EYA4: variants seen among roughly 807,000 people sequenced by gnomAD.
EYA4 encodes protein phosphatase EYA4.
Under a neutral mutation model 87.9 loss-of-function variants are expected in EYA4, and 31 were observed. That is an observed-to-expected ratio of 0.35 (90% CI 0.27 to 0.48). EYA4 has a LOEUF of 0.48. Ranked by LOEUF, EYA4 falls within the 20% of genes least tolerant of loss-of-function variation. The pLI, the probability that EYA4 is intolerant of heterozygous loss-of-function variation, is 0.99. For missense variants in EYA4, 678 were observed against 761.4 expected, an observed-to-expected ratio of 0.89 and a Z score of 1.29; for synonymous variants, 263 against 270.6, an observed-to-expected ratio of 0.97 and a Z score of 0.28.
intron 2 of EYA4, among the ~76,000 whole-genome samples, chr6:133,325,868 G>A (rs905373577): frequency 1.3e-5 from 2 of 152,178 alleles, no homozygotes; most frequent in African/African-American, 4.8e-5. Flanking sequence ...TGCACAAATA[G>A]GAGCATGAAA....
chr6:133,459,217 A>G (rs1457255326), intron 6 of EYA4, among the ~76,000 whole-genome samples: 1 of 152,158 alleles, frequency 6.6e-6, no homozygotes, highest in Non-Finnish European at 1.5e-5. Flanking sequence ...TTTCTGTTCT[A>G]TTTAGAAAAT....
chr6:133,375,127 T>G (rs1468258112), intron 2 of EYA4, among the ~76,000 whole-genome samples: 1 of 152,010 alleles, frequency 6.6e-6, no homozygotes, highest in Non-Finnish European at 1.5e-5. Context: ...TATTGAGAAG[T>G]GTTGACACAT....
At chr6:133,308,103 C>T (rs1779948115) in intron 2 of EYA4, among the ~76,000 whole-genome samples, 1 of 152,120 alleles carries the variant, frequency 6.6e-6, no homozygotes, top group African/African-American at 2.4e-5. Flanking sequence ...GTGAGGCCTC[C>T]CCAGCCATGT....
intron 3 of EYA4, among the ~76,000 whole-genome samples, chr6:133,392,376 T>A (rs1420588625): frequency 6.6e-6 from 1 of 152,008 alleles, no homozygotes; most frequent in Non-Finnish European, 1.5e-5. Context: ...CAGTCAGCAA[T>A]CAATAACCTA....
chr6:133,449,132 G>T (rs908448400), intron 5 of EYA4, among the ~76,000 whole-genome samples: 1 of 152,104 alleles, frequency 6.6e-6, no homozygotes, highest in African/African-American at 2.4e-5. Context: ...CTATAGCAGG[G>T]TCTTTTTCTC....
intron 19 of EYA4, among the ~76,000 whole-genome samples, chr6:133,526,472 G>A (rs530300228): frequency 6.6e-6 from 1 of 152,120 alleles, no homozygotes; most frequent in Admixed American, 6.6e-5. Flanking sequence ...GTTTCTAGTC[G>A]ATTTAAATCA....
chr6:133,332,895 T>C (rs1782088940), intron 2 of EYA4, among the ~76,000 whole-genome samples: 1 of 152,028 alleles, frequency 6.6e-6, no homozygotes, highest in Admixed American at 6.6e-5. Context: ...TTTAGTCAGT[T>C]CAGTTTCTGC....
chr6:133,388,737 A>G (rs1442374621), intron 3 of EYA4, among the ~76,000 whole-genome samples: 1 of 152,230 alleles, frequency 6.6e-6, no homozygotes, highest in African/African-American at 2.4e-5. Flanking sequence ...GGAATAGGCT[A>G]CAACCAAAAG....
intron 3 of EYA4, among the ~76,000 whole-genome samples, chr6:133,436,395 T>A (rs969857458): frequency 6.6e-6 from 1 of 152,182 alleles, no homozygotes; most frequent in African/African-American, 2.4e-5. Flanking sequence ...TTTGCTGAAC[T>A]AGACTACATT....
chr6:133,301,917 C>T (rs553459335), intron 2 of EYA4, among the ~76,000 whole-genome samples: 23 of 152,314 alleles, frequency 1.5e-4, no homozygotes, highest in East Asian at 7.7e-4. Context: ...CTTGATTAGA[C>T]GGTCATGGAG....
At chr6:133,438,828 GTCAGGAGATCGAGA>G (rs1158775566) in intron 3 of EYA4, among the ~76,000 whole-genome samples, 1 of 151,946 alleles carries the variant, frequency 6.6e-6, no homozygotes, top group African/African-American at 2.4e-5. Flanking sequence ...GGATCACAAG[GTCAGGAGATCGAGA>G]TCATCCTGGC....
At chr6:133,387,042 T>A (rs1385028037) in intron 3 of EYA4, among the ~76,000 whole-genome samples, 1 of 152,186 alleles carries the variant, frequency 6.6e-6, no homozygotes, top group African/African-American at 2.4e-5. Context: ...GCAAAATGAC[T>A]TTCCGTTTTT....
At position 133,530,023 on chromosome 6, in the gene EYA4, C is replaced by G. The variant is rs1259089366; in HGVS notation, c.*1218C>G. 1.0e-6 allele frequency: 1 copy of G among 984,992 alleles called. No individual in the cohort carries two copies. Among genetic ancestry groups the G allele is most frequent in the Non-Finnish European group, 1.2e-6 (1 of 829,648 alleles). 61.0% of individuals were successfully genotyped at this position (984,992 alleles called of 1,614,324 possible). A position where few individuals can be genotyped will look rare whatever the true frequency, so the allele number is the denominator to read the frequency against. On this transcript the variant is annotated 3_prime_UTR_variant, in exon 20 of 20. Transcript: ENST00000355286. ...AAAATAAAGCTAAGTATGTTTATTC[C>G]CAATGCCATGGCAAAAATGATAATA...
intron 3 of EYA4, among the ~76,000 whole-genome samples, chr6:133,435,869 GCA>G (rs1191257288): frequency 6.6e-6 from 1 of 151,680 alleles, no homozygotes; most frequent in Non-Finnish European, 1.5e-5. Flanking sequence ...AAACATGTGT[GCA>G]CACACACACA....
intron 2 of EYA4, among the ~76,000 whole-genome samples, chr6:133,278,780 A>G (rs1582828739): frequency 6.6e-6 from 1 of 152,176 alleles, no homozygotes; most frequent in African/African-American, 2.4e-5. Flanking sequence ...GAGATAAGCA[A>G]CTAAAAAGAA....
intron 3 of EYA4, among the ~76,000 whole-genome samples, chr6:133,390,311 C>T (rs1787148104): frequency 6.6e-6 from 1 of 152,078 alleles, no homozygotes; most frequent in Non-Finnish European, 1.5e-5. Context: ...CCTCCACCTC[C>T]TAGGTTTGAG....
intron 3 of EYA4, among the ~76,000 whole-genome samples, chr6:133,445,879 C>T (rs769909616): frequency 2.0e-5 from 3 of 152,328 alleles, no homozygotes; most frequent in South Asian, 2.1e-4. Context: ...CGCGCCCGGC[C>T]TCTAGTTTCC....
Position 133,433,413 on chromosome 6 carries a change from G to C in EYA4, c.84-13217G>C, listed in dbSNP as rs979323916. Among the ~76,000 whole-genome samples, 2 of 152,214 alleles carry C rather than the reference G, an allele frequency of 1.3e-5. 1 individual carries two copies. The highest frequency in any genetic ancestry group is 4.1e-4 in the South Asian group (2 of 4,828). ...AGAAATTAGCTCAATAACTATTCCCGATGAACTGATATAAATCTGGAGGTA... is the reference window on the plus strand; with the variant it reads ...AGAAATTAGCTCAATAACTATTCCCCATGAACTGATATAAATCTGGAGGTA... On this transcript the variant is annotated intron_variant, in intron 3 of 19. Coordinates refer to ENST00000355286, the MANE Select transcript of EYA4 (RefSeq NM_004100.5).
intron 2 of EYA4, among the ~76,000 whole-genome samples, chr6:133,294,599 G>C (rs1198398297): frequency 6.6e-6 from 1 of 151,540 alleles, no homozygotes; most frequent in Admixed American, 6.6e-5. Flanking sequence ...ATGGAGTCTT[G>C]CTCTGTCACC....
Sources: gnomAD v4.1 joint callset for allele counts (sites outside exome capture counted in the v4.1 genomes callset) on GRCh38, gnomAD v4.1.1 for gene constraint, MANE v1.5 for transcripts, NCBI Gene and HGNC (gene_info 2026-07-23, HGNC 2026-07-21) for gene names.